Variants in SMYD2 observed in about 807,000 individuals in gnomAD.
The protein encoded by SMYD2 is SET and MYND domain containing 2, also known as N-lysine methyltransferase SMYD2.
SMYD2 carries 53 observed loss-of-function variants against 59.1 expected under a neutral mutation model. The ratio of observed to expected loss-of-function variants is 0.90; its 90% CI spans 0.72 to 1.13. The LOEUF (loss-of-function observed/expected upper bound fraction) is 1.13. Among genes scored for constraint, SMYD2 ranks in the 50% most tolerant of loss-of-function variants. The pLI is 0.00. For synonymous variants in SMYD2, 208 were observed against 198.8 expected, an observed-to-expected ratio of 1.05 and a Z score of -0.39; for missense variants, 494 against 544.7, an observed-to-expected ratio of 0.91 and a Z score of 0.93.
chr1:214,310,903 C>T (rs1656990029), intron 2 of SMYD2, among the ~76,000 whole-genome samples: 1 of 152,148 alleles, frequency 6.6e-6, no homozygotes, highest in South Asian at 2.1e-4. Flanking sequence ...TAGATACTAT[C>T]ACATCTTCCT....
intron 1 of SMYD2, among the ~76,000 whole-genome samples, chr1:214,303,364 G>C (rs1266513019): frequency 1.3e-5 from 2 of 152,052 alleles, no homozygotes; most frequent in Non-Finnish European, 2.9e-5. Flanking sequence ...TGATTTTTTA[G>C]TGCATTTCCC....
chr1:214,290,376 T>C (rs1656616837), intron 1 of SMYD2, among the ~76,000 whole-genome samples: 3 of 152,226 alleles, frequency 2.0e-5, no homozygotes. Flanking sequence ...CTCTTGTACA[T>C]GAAGTGGAAG....
intron 1 of SMYD2, among the ~76,000 whole-genome samples, chr1:214,293,127 A>G (rs1188233274): frequency 2.0e-5 from 3 of 150,892 alleles, no homozygotes; most frequent in African/African-American, 7.3e-5. Flanking sequence ...ATCTCTGCTC[A>G]TTGCAACCTC....
chr1:214,323,189 C>A (rs146619042), intron 5 of SMYD2, among the ~76,000 whole-genome samples: 1 of 152,300 alleles, frequency 6.6e-6, no homozygotes, highest in Non-Finnish European at 1.5e-5. Flanking sequence ...ATGAAGATCA[C>A]CTACCGAATT....
chr1:214,336,295 G>A (rs1657435523), intron 11 of SMYD2, among the ~76,000 whole-genome samples: 1 of 151,724 alleles, frequency 6.6e-6, no homozygotes, highest in Non-Finnish European at 1.5e-5. Flanking sequence ...CACTTTGAGA[G>A]GCCAAGGCGG....
chr1:214,283,197 C>T (rs1362968412), intron 1 of SMYD2, among the ~76,000 whole-genome samples: 1 of 152,206 alleles, frequency 6.6e-6, no homozygotes, highest in East Asian at 1.9e-4. Flanking sequence ...ATACCCCCAA[C>T]CTTAGAACAT....
At position 214,327,034 on chromosome 1, in the gene SMYD2, CCTT is replaced by C. The variant is rs1365394988; in HGVS notation, c.603-585_603-583del. ...CTCGCATAGGCGAATCTCTCTCTCT[CCTT>C]CTCGCTGTCCCTGAAAAGCAGACAG... On this transcript the variant is annotated intron_variant, in intron 6 of 11. Transcript: ENST00000366957. Among the ~76,000 whole-genome samples the C allele has an allele frequency of 7.9e-5, 12 of 152,376 alleles. No individual in the cohort carries two copies. The East Asian group carries it at 1.7e-3, about 22-fold the overall frequency.
At chr1:214,297,286 C>A (rs549943743) in intron 1 of SMYD2, among the ~76,000 whole-genome samples, 4 of 125,340 alleles carry the variant, frequency 3.2e-5, no homozygotes, top group African/African-American at 3.1e-5. Context: ...CACTTCTTTT[C>A]GCTCCATTCC....
At position 214,333,876 on chromosome 1, in the gene SMYD2, T is replaced by A. The variant is rs528528070; in HGVS notation, c.1113-324T>A. 6.7e-5 allele frequency: 14 copies of A among 209,452 alleles called. No individual in the cohort carries two copies. The South Asian group carries it at 1.5e-3, about 23-fold the overall frequency. The allele number at this position is 209,452 out of a possible 1,614,324, so 13.0% of individuals were successfully genotyped here. On this transcript the variant is annotated intron_variant, in intron 10 of 11. Coordinates refer to ENST00000366957, the MANE Select transcript of SMYD2 (RefSeq NM_020197.3). ...TACTTCACAAGCTGTTTTCCCAGGG[T>A]CTTCCTCTGGGTATGTCTGAAATAT...
At chr1:214,304,509 G>GA (rs1428161412) in intron 1 of SMYD2, among the ~76,000 whole-genome samples, 5 of 120,266 alleles carry the variant, frequency 4.2e-5, no homozygotes, top group African/African-American at 1.6e-4. Flanking sequence ...TAGTGAGCCA[G>GA]AATCATGCCA....
chr1:214,298,003 T>C (rs1447667626), intron 1 of SMYD2, among the ~76,000 whole-genome samples: 1 of 152,194 alleles, frequency 6.6e-6, no homozygotes, highest in Non-Finnish European at 1.5e-5. Flanking sequence ...ATTTCAACAC[T>C]ATTCCTACCA....
chr1:214,319,048 C>T (rs903732586), intron 5 of SMYD2, 65 bp downstream of exon 5: 6 of 1,573,366 alleles, frequency 3.8e-6, no homozygotes, highest in Non-Finnish European at 5.2e-6. Flanking sequence ...CTCTCCCTAG[C>T]AAGCACTCAG....
At chr1:214,303,256 C>T (rs1263324763) in intron 1 of SMYD2, among the ~76,000 whole-genome samples, 1 of 152,190 alleles carries the variant, frequency 6.6e-6, no homozygotes, top group Non-Finnish European at 1.5e-5. Context: ...AAGAAGTTTG[C>T]AAGCTTCCTC....
intron 1 of SMYD2, among the ~76,000 whole-genome samples, chr1:214,289,350 A>G (rs1163811404): frequency 1.3e-5 from 2 of 152,170 alleles, no homozygotes; most frequent in African/African-American, 2.4e-5. Flanking sequence ...TAAAAATATG[A>G]AATAATTACT....
chr1:214,334,940 G>A (rs971885292), intron 11 of SMYD2, among the ~76,000 whole-genome samples: 6 of 152,212 alleles, frequency 3.9e-5, no homozygotes, highest in Non-Finnish European at 7.3e-5. Flanking sequence ...CTGGTGGGGA[G>A]CCAGAACCCT....
chr1:214,297,815 C>T (rs1440871006), intron 1 of SMYD2, among the ~76,000 whole-genome samples: 1 of 152,202 alleles, frequency 6.6e-6, no homozygotes, highest in Non-Finnish European at 1.5e-5. Context: ...CTATCAAAAA[C>T]TGTTAGCTTT....
chr1:214,314,684 C>G, intron 2 of SMYD2, 78 bp from the exon 3 acceptor site: 1 of 1,021,826 alleles, frequency 9.8e-7, no homozygotes, highest in South Asian at 1.4e-5. Flanking sequence ...ACTAGGGGGA[C>G]TCACTGCATC....
In SMYD2 at chr1:214,336,811, T is replaced by G; in HGVS notation, c.*27T>G. Reference sequence around the variant, plus strand: ...ACTATGCAGCATTTCAGTTTTCATTTAAACACTTAGTTCAGAAACCTTAAA... The same window carrying G: ...ACTATGCAGCATTTCAGTTTTCATTGAAACACTTAGTTCAGAAACCTTAAA... On this transcript the variant is annotated 3_prime_UTR_variant, in exon 12 of 12. Coordinates refer to ENST00000366957, the MANE Select transcript of SMYD2 (RefSeq NM_020197.3). The G allele has an allele frequency of 1.3e-6, 2 of 1,590,530 alleles. No homozygotes were observed. Among genetic ancestry groups the G allele is most frequent in the Non-Finnish European group, 1.7e-6 (2 of 1,162,006 alleles).
At chr1:214,317,318 A>G (rs1657102435) in intron 3 of SMYD2, among the ~76,000 whole-genome samples, 1 of 152,244 alleles carries the variant, frequency 6.6e-6, no homozygotes, top group Non-Finnish European at 1.5e-5. Context: ...TTAAAAAAAC[A>G]GACCATTTGT....
Sources: gnomAD v4.1 joint callset for allele counts (sites outside exome capture counted in the v4.1 genomes callset) on GRCh38, gnomAD v4.1.1 for gene constraint, MANE v1.5 for transcripts, NCBI Gene and HGNC (gene_info 2026-07-23, HGNC 2026-07-21) for gene names.